The following ASAP2 variants were observed in gnomAD, a reference collection of about 807,000 sequenced individuals.
ASAP2 encodes ArfGAP with SH3 domain, ankyrin repeat and PH domain 2.
ASAP2 carries 45 observed loss-of-function variants against 131.4 expected under a neutral mutation model. The ratio of observed to expected loss-of-function variants is 0.34; its 90% CI spans 0.27 to 0.44. ASAP2 has a LOEUF of 0.44. Among genes scored for constraint, ASAP2 ranks in the 20% least tolerant of loss-of-function variants. The probability of loss-of-function intolerance (pLI) is 1.00; values close to 1 mark genes in which losing one functional copy is unlikely to be tolerated. For missense variants in ASAP2, 1,011 were observed against 1,297.0 expected (o/e 0.78, Z 3.39); for synonymous variants, 510 against 503.0 (o/e 1.01, Z -0.19).
intron 1 of ASAP2, among the ~76,000 whole-genome samples, chr2:9,227,718 C>T (rs867006918): frequency 6.6e-6 from 1 of 152,084 alleles, no homozygotes; most frequent in African/African-American, 2.4e-5. Flanking sequence ...CCTCAGTAAC[C>T]GTTTTATTGA....
At chr2:9,380,181 AGTTTTT>A (rs199921712) in intron 19 of ASAP2, among the ~76,000 whole-genome samples, 22 of 151,820 alleles carry the variant, frequency 1.4e-4, no homozygotes, top group Admixed American at 2.0e-4. Flanking sequence ...CTGCTTCAAC[AGTTTTT>A]GTTTTTGTTT....
chr2:9,209,786 C>G (rs1486538807), intron 1 of ASAP2, among the ~76,000 whole-genome samples: 1 of 152,200 alleles, frequency 6.6e-6, no homozygotes, highest in Non-Finnish European at 1.5e-5. Context: ...TCAGGCTGGT[C>G]TCGAACTCCT....
intron 1 of ASAP2, among the ~76,000 whole-genome samples, chr2:9,242,170 C>T (rs1222836232): frequency 1.3e-5 from 2 of 152,014 alleles, no homozygotes; most frequent in African/African-American, 4.8e-5. Flanking sequence ...TTTATTTGGC[C>T]AGACAGTGAT....
At chr2:9,294,433 G>A (rs78066003) in intron 2 of ASAP2, among the ~76,000 whole-genome samples, 5,966 of 152,158 alleles carry the variant, frequency 0.039, 285 homozygotes, top group African/African-American at 0.11. Context: ...TGAGAAGGCC[G>A]GCTCCTCTCT....
chr2:9,264,135 T>G (rs1209392255), intron 1 of ASAP2, among the ~76,000 whole-genome samples: 1 of 149,568 alleles, frequency 6.7e-6, no homozygotes, highest in Admixed American at 6.7e-5. Flanking sequence ...GAGGTTGCAG[T>G]GAGCCAAGAT....
chr2:9,394,874 CAGG>C (rs764651817), intron 24 of ASAP2, among the ~76,000 whole-genome samples: 1 of 152,198 alleles, frequency 6.6e-6, no homozygotes, highest in East Asian at 1.9e-4. Flanking sequence ...TGGTTGGACA[CAGG>C]AGGTGACTCG....
At position 9,382,181 on chromosome 2, in the gene ASAP2, A is replaced by G. The variant is rs374459209; in HGVS notation, c.2016+1373A>G. ...ATATTTTTAATAGAGACGGGGTTTCACCATATTGGTCAGGCTGGTCTTGAA... is the reference window on the plus strand; with the variant it reads ...ATATTTTTAATAGAGACGGGGTTTCGCCATATTGGTCAGGCTGGTCTTGAA... On this transcript the variant is annotated intron_variant, in intron 20 of 27. Coordinates refer to ENST00000281419, the MANE Select transcript of ASAP2 (RefSeq NM_003887.3). Among the ~76,000 whole-genome samples, 200 of 152,154 alleles carry G rather than the reference A, an allele frequency of 1.3e-3. 8 individuals are homozygous for G. In the South Asian group the frequency reaches 0.037, roughly 28 times the overall value.
intron 7 of ASAP2, 140 bp from the exon 8 acceptor site, chr2:9,334,598 T>A: frequency 1.5e-6 from 1 of 676,082 alleles, no homozygotes; most frequent in Admixed American, 3.2e-5. Context: ...TGCCTGATAT[T>A]TTAAGGTTCT....
intron 12 of ASAP2, among the ~76,000 whole-genome samples, chr2:9,351,469 G>A (rs1466868917): frequency 6.6e-6 from 1 of 152,112 alleles, no homozygotes; most frequent in Non-Finnish European, 1.5e-5. Context: ...AAATTAAAGG[G>A]CCCATGATGT....
At position 9,374,780 on chromosome 2, in the gene ASAP2, G is replaced by T. The variant is rs369275807; in HGVS notation, c.1582G>T (p.Ala528Ser). Reference sequence around the variant, plus strand: ...GAATGCAAGAAAGGACTACATCACAGCCAAGTACATCGAGAGGAGATACGC... The same window carrying T: ...GAATGCAAGAAAGGACTACATCACATCCAAGTACATCGAGAGGAGATACGC... ...DMNARKDYIT[A>S]KYIERRYARK... is the part of the protein sequence containing the mutation. The change falls in exon 17 of 28, where the codon GCC (alanine) becomes TCC (serine). Residue 528 changes from alanine to serine, a missense_variant. By Grantham distance (99) the Ala-to-Ser change is moderately conservative. Coordinates refer to ENST00000281419, the MANE Select transcript of ASAP2 (RefSeq NM_003887.3). 8.1e-6 allele frequency: 13 copies of T among 1,609,262 alleles called. No individual in the cohort carries two copies. The highest frequency in any genetic ancestry group is 1.7e-5 in the Admixed American group (1 of 58,894).
intron 1 of ASAP2, among the ~76,000 whole-genome samples, chr2:9,249,469 T>C (rs1328691782): frequency 6.6e-6 from 1 of 152,206 alleles, no homozygotes; most frequent in African/African-American, 2.4e-5. Context: ...TGGGGAGTAA[T>C]TTGAGGGACT....
At chr2:9,334,201 G>GTTT (rs111579113) in intron 7 of ASAP2, among the ~76,000 whole-genome samples, 93 of 129,472 alleles carry the variant, frequency 7.2e-4, no homozygotes, top group South Asian at 1.2e-3. Context: ...TTTTGTATTT[G>GTTT]TTTTTTTTTT....
chr2:9,283,913 G>A (rs4668615), intron 2 of ASAP2, among the ~76,000 whole-genome samples: 112,454 of 152,042 alleles, frequency 0.74, 41,665 homozygotes, highest in East Asian at 0.89. Flanking sequence ...TATGCTTCCC[G>A]ATGGCCCCAT....
intron 1 of ASAP2, among the ~76,000 whole-genome samples, chr2:9,253,224 C>T (rs912653015): frequency 1.4e-4 from 21 of 152,032 alleles, no homozygotes; most frequent in Non-Finnish European, 1.9e-4. Flanking sequence ...AGTGCAATGG[C>T]GCGATATTGG....
intron 7 of ASAP2, among the ~76,000 whole-genome samples, chr2:9,334,190 T>C (rs530579156): frequency 1.0e-4 from 15 of 146,166 alleles, no homozygotes; most frequent in African/African-American, 3.1e-4. Context: ...GCTTTTTGTA[T>C]TTTTGTATTT....
intron 2 of ASAP2, among the ~76,000 whole-genome samples, chr2:9,295,786 A>C (rs1028738764): frequency 1.3e-5 from 2 of 152,196 alleles, no homozygotes; most frequent in African/African-American, 2.4e-5. Flanking sequence ...CAAACAGTGA[A>C]GTGAGTTTTC....
intron 3 of ASAP2, among the ~76,000 whole-genome samples, chr2:9,317,093 TCAAC>T (rs1446130300): frequency 4.4e-5 from 4 of 91,924 alleles, no homozygotes; most frequent in African/African-American, 7.6e-5. Flanking sequence ...ACACACACAC[TCAAC>T]CACACTCATA....
intron 2 of ASAP2, among the ~76,000 whole-genome samples, chr2:9,295,653 T>G (rs1668106629): frequency 6.6e-6 from 1 of 152,028 alleles, no homozygotes; most frequent in Admixed American, 6.6e-5. Context: ...CGTTTGCGGG[T>G]GTGTGTGTGT....
intron 1 of ASAP2, among the ~76,000 whole-genome samples, chr2:9,252,912 C>G (rs980780697): frequency 3.0e-5 from 3 of 100,860 alleles, no homozygotes; most frequent in African/African-American, 1.4e-4. Flanking sequence ...GAGACTCCGT[C>G]TCAAAAAAAA....
Sources: gnomAD v4.1 joint callset for allele counts (sites outside exome capture counted in the v4.1 genomes callset) on GRCh38, gnomAD v4.1.1 for gene constraint, MANE v1.5 for transcripts, NCBI Gene and HGNC (gene_info 2026-07-23, HGNC 2026-07-21) for gene names.